The following ESR1 variants were observed in gnomAD, a reference collection of about 807,000 sequenced individuals.
ESR1 encodes estrogen receptor.
ESR1 carries 12 observed loss-of-function variants against 52.7 expected under a neutral mutation model. The ratio of observed to expected loss-of-function variants is 0.23; its 90% CI spans 0.15 to 0.37. The LOEUF (loss-of-function observed/expected upper bound fraction) is 0.37, where lower values mean the gene tolerates loss of function less well. ESR1 is among the 10% of genes least tolerant of loss of function. The pLI is 1.00. For missense variants in ESR1, 584 were observed against 779.7 expected (o/e 0.75, Z 2.99); for synonymous variants, 305 against 316.8 (o/e 0.96, Z 0.39).
At chr6:151,815,518 A>C (rs1482920804) in intron 1 of ESR1, among the ~76,000 whole-genome samples, 1 of 152,228 alleles carries the variant, frequency 6.6e-6, no homozygotes, top group Non-Finnish European at 1.5e-5. Context: ...GGTTTGCTTC[A>C]GTCTATTGGC....
chr6:152,000,870 A>C (rs2041893519), intron 4 of ESR1, among the ~76,000 whole-genome samples: 1 of 152,032 alleles, frequency 6.6e-6, no homozygotes, highest in Admixed American at 6.6e-5. Context: ...TGCAATCTTG[A>C]AGACCGAATA....
intron 1 of ESR1, among the ~76,000 whole-genome samples, chr6:151,819,293 C>A (rs1461796669): frequency 6.6e-6 from 1 of 152,190 alleles, no homozygotes; most frequent in Non-Finnish European, 1.5e-5. Context: ...TGTCTTCCCC[C>A]TCTATGGAAT....
intron 2 of ESR1, among the ~76,000 whole-genome samples, chr6:151,851,133 T>G (rs1344836612): frequency 2.0e-5 from 3 of 152,182 alleles, no homozygotes; most frequent in Non-Finnish European, 4.4e-5. Context: ...AAAGTCACCA[T>G]TTTTACTTGT....
intron 1 of ESR1, among the ~76,000 whole-genome samples, chr6:151,659,481 G>A (rs1440193880): frequency 6.6e-6 from 1 of 152,204 alleles, no homozygotes; most frequent in Non-Finnish European, 1.5e-5. Context: ...CAAATCTCCA[G>A]TCCTTTTTAG....
At chr6:152,034,496 G>A (rs141881272) in intron 5 of ESR1, among the ~76,000 whole-genome samples, 1 of 150,222 alleles carries the variant, frequency 6.7e-6, no homozygotes, top group Non-Finnish European at 1.5e-5. Flanking sequence ...TTTGTCTGCT[G>A]TGTGTCCTTA....
intron 3 of ESR1, among the ~76,000 whole-genome samples, chr6:151,899,246 C>T (rs1324555431): frequency 2.7e-4 from 37 of 137,400 alleles, no homozygotes; most frequent in Middle Eastern, 4.8e-3. Context: ...GCTGGCCAGG[C>T]GGGGGGCTGA....
Position 151,808,244 on chromosome 6 carries a change from TGCACCCGCCGCC to T in ESR1, c.336_347del (p.His112_Pro115del). 1 of 1,573,540 alleles carries T rather than the reference TGCACCCGCCGCC, an allele frequency of 6.4e-7. No individual in the cohort carries two copies. The highest frequency in any genetic ancestry group is 8.6e-7 in the Non-Finnish European group (1 of 1,159,810). On this transcript the variant is annotated inframe_deletion, in exon 1 of 8. Transcript: ENST00000206249. Reference sequence around the variant, plus strand: ...GTGTCTCCGAGCCCGCTGATGCTACTGCACCCGCCGCCGCAGCTGTCGCCTTTCCTGCAGCCC... The same window carrying T: ...GTGTCTCCGAGCCCGCTGATGCTACTGCAGCTGTCGCCTTTCCTGCAGCCC...
At chr6:151,777,118 C>CTTTT (rs745685480) in intron 2 of ESR1, among the ~76,000 whole-genome samples, 3 of 142,826 alleles carry the variant, frequency 2.1e-5, no homozygotes, top group Non-Finnish European at 3.0e-5. Context: ...CTTTTCTTTT[C>CTTTT]TTTTCTTTTT....
In ESR1 at chr6:151,774,400, T is replaced by C. The variant is rs540615091; in HGVS notation, c.-70-33443T>C. 1.8e-4 allele frequency among the ~76,000 whole-genome samples: 28 copies of C among 152,366 alleles called. No individual in the cohort carries two copies. In the South Asian group the frequency reaches 5.6e-3, roughly 30 times the overall value. On this transcript the variant is annotated intron_variant, in intron 2 of 2. Transcript: ENST00000404742. ...GAAGTTAAGTTATGTTGTTTGAACTTTTCTGTCCCTGAACAAGGCATCGTA... is the reference window on the plus strand; with the variant it reads ...GAAGTTAAGTTATGTTGTTTGAACTCTTCTGTCCCTGAACAAGGCATCGTA...
At chr6:152,097,068 A>G (rs1448018265) in intron 7 of ESR1, among the ~76,000 whole-genome samples, 1 of 152,196 alleles carries the variant, frequency 6.6e-6, no homozygotes, top group East Asian at 1.9e-4. Context: ...GGGCAGCAGC[A>G]GGGAGAAAGC....
At chr6:151,934,888 T>C (rs2034165401) in intron 3 of ESR1, among the ~76,000 whole-genome samples, 1 of 152,242 alleles carries the variant, frequency 6.6e-6, no homozygotes, top group Admixed American at 6.5e-5. Context: ...GCTTATATAA[T>C]AGCTTGCCCT....
At chr6:152,108,135 C>T (rs537972568), downstream of ESR1, among the ~76,000 whole-genome samples, 1 of 152,352 alleles carries the variant, frequency 6.6e-6, no homozygotes, top group African/African-American at 2.4e-5. Context: ...CCTGGGCACA[C>T]TCTGATCTCC....
At chr6:152,011,873 C>G (rs895172379) in intron 5 of ESR1, 79 bp downstream of exon 5, 2 of 1,488,758 alleles carry the variant, frequency 1.3e-6, no homozygotes, top group Admixed American at 1.7e-5. Context: ...TTATTCATCT[C>G]TCGGTGAAGC....
At chr6:151,703,851 T>C (rs1582947672) in intron 2 of ESR1, among the ~76,000 whole-genome samples, 1 of 152,296 alleles carries the variant, frequency 6.6e-6, no homozygotes, top group East Asian at 1.9e-4. Flanking sequence ...TCCAAAACTT[T>C]GATTCCAGAA....
At chr6:151,740,602 C>T (rs1293516526) in intron 2 of ESR1, among the ~76,000 whole-genome samples, 2 of 151,976 alleles carry the variant, frequency 1.3e-5, no homozygotes, top group African/African-American at 4.8e-5. Context: ...CTCTTACTTT[C>T]TTGGAGCTTC....
At chr6:152,022,186 C>G (rs980354548) in intron 5 of ESR1, among the ~76,000 whole-genome samples, 1 of 152,092 alleles carries the variant, frequency 6.6e-6, no homozygotes, top group Non-Finnish European at 1.5e-5. Context: ...GCCACCTTAG[C>G]CTCTGAGGAA....
At chr6:151,816,719 T>C (rs187461731) in intron 1 of ESR1, among the ~76,000 whole-genome samples, 4 of 152,074 alleles carry the variant, frequency 2.6e-5, no homozygotes. Flanking sequence ...GGTACTGTGC[T>C]ACAAAAACAA....
intron 2 of ESR1, among the ~76,000 whole-genome samples, chr6:151,722,708 A>T (rs1269729589): frequency 1.3e-5 from 2 of 152,226 alleles, no homozygotes; most frequent in South Asian, 2.1e-4. Context: ...GCGTGTTGGG[A>T]GGCAGATGAT....
At chr6:151,784,911 G>A (rs962345555) in intron 2 of ESR1, among the ~76,000 whole-genome samples, 1 of 152,334 alleles carries the variant, frequency 6.6e-6, no homozygotes, top group African/African-American at 2.4e-5. Flanking sequence ...TGGAAACTCA[G>A]GCAGGAGTTA....
Sources: allele counts gnomAD v4.1 joint callset (sites outside exome capture counted in the v4.1 genomes callset), GRCh38; gene constraint gnomAD v4.1.1; transcripts MANE v1.5; gene names NCBI Gene and HGNC (gene_info 2026-07-23, HGNC 2026-07-21).